The following RSF1 variants were observed in gnomAD, a reference collection of about 807,000 sequenced individuals.
The protein encoded by RSF1 is HBV pX-associated protein 8.
In RSF1, 13 loss-of-function variants were observed where a neutral mutation model predicts 145.2. The observed-to-expected ratio is 0.09, with a 90% CI of 0.06 to 0.14. The LOEUF is 0.14. Among genes scored for constraint, RSF1 ranks in the 10% least tolerant of loss-of-function variants. RSF1 has a pLI of 1.00. For missense variants in RSF1, 1,517 were observed against 1,718.2 expected (o/e 0.88, Z 2.07); for synonymous variants, 577 against 592.6 (o/e 0.97, Z 0.38).
At chr11:77,686,749 T>C (rs1274408059) in intron 9 of RSF1, among the ~76,000 whole-genome samples, 1 of 152,140 alleles carries the variant, frequency 6.6e-6, no homozygotes, top group Non-Finnish European at 1.5e-5. Context: ...ATCAGGTCTG[T>C]AGACAGTTGC....
At chr11:77,824,209 A>G (rs971653983), upstream of RSF1, among the ~76,000 whole-genome samples, 3 of 152,254 alleles carry the variant, frequency 2.0e-5, no homozygotes, top group Non-Finnish European at 2.9e-5. Flanking sequence ...GAAATTGTGG[A>G]ATACAGAGCT....
chr11:77,687,915 A>C (rs1184928602), intron 9 of RSF1, among the ~76,000 whole-genome samples: 1 of 152,258 alleles, frequency 6.6e-6, no homozygotes, highest in Non-Finnish European at 1.5e-5. Flanking sequence ...TTTTACACAT[A>C]TAAATGGTAT....
At chr11:77,790,937 A>G (rs4945212) in intron 1 of RSF1, among the ~76,000 whole-genome samples, 27,000 of 152,088 alleles carry the variant, frequency 0.18, 3,000 homozygotes, top group African/African-American at 0.3. Flanking sequence ...TTCCAGGCAC[A>G]TGGTGCAAGC....
chr11:77,678,830 T>C (rs547972377), intron 11 of RSF1, among the ~76,000 whole-genome samples: 1 of 152,260 alleles, frequency 6.6e-6, no homozygotes, highest in East Asian at 1.9e-4. Flanking sequence ...GAAGGTGCCA[T>C]CTATGAACCA....
intron 2 of RSF1, among the ~76,000 whole-genome samples, chr11:77,754,805 C>T (rs891672605): frequency 6.6e-6 from 1 of 151,494 alleles, no homozygotes; most frequent in Non-Finnish European, 1.5e-5. Context: ...GGTATGGTGG[C>T]TCATGTGTGT....
intron 5 of RSF1, chr11:77,718,263 G>C (rs145084040): frequency 1.3e-5 from 2 of 152,018 alleles, no homozygotes; most frequent in Non-Finnish European, 2.9e-5. Context: ...CCTAGATCGC[G>C]CCATTGTGCT....
intron 5 of RSF1, among the ~76,000 whole-genome samples, chr11:77,713,937 C>T (rs1174175057): frequency 6.6e-6 from 1 of 152,142 alleles, no homozygotes; most frequent in African/African-American, 2.4e-5. Flanking sequence ...TTTGAACTTG[C>T]TCCCTTTTAG....
At chr11:77,709,882 G>C (rs1454831929) in intron 5 of RSF1, among the ~76,000 whole-genome samples, 1 of 151,974 alleles carries the variant, frequency 6.6e-6, no homozygotes, top group Non-Finnish European at 1.5e-5. Context: ...ATCCCAAAGT[G>C]CTGGGATTAC....
upstream of RSF1, among the ~76,000 whole-genome samples, chr11:77,823,621 C>CAAAAAAAA (rs397970373): frequency 8.2e-5 from 8 of 97,652 alleles, no homozygotes; most frequent in Admixed American, 1.2e-4. Context: ...CACCCTGTCT[C>CAAAAAAAA]AAAAAAAAAA....
intron 13 of RSF1, among the ~76,000 whole-genome samples, chr11:77,676,453 T>A (rs1010149277): frequency 2.6e-5 from 4 of 152,202 alleles, no homozygotes; most frequent in Non-Finnish European, 4.4e-5. Context: ...AATATCTTAT[T>A]TATTTTTCAC....
intron 3 of RSF1, among the ~76,000 whole-genome samples, chr11:77,745,581 T>G (rs1947991422): frequency 1.3e-5 from 2 of 151,798 alleles, no homozygotes; most frequent in Admixed American, 1.3e-4. Context: ...CTCTTCCAGG[T>G]TTTAGGTGAA....
intron 5 of RSF1, among the ~76,000 whole-genome samples, chr11:77,713,966 A>C (rs993418872): frequency 6.6e-6 from 1 of 152,178 alleles, no homozygotes; most frequent in Non-Finnish European, 1.5e-5. Flanking sequence ...TTTTATGTAC[A>C]AGTAGATTTC....
At chr11:77,754,023 C>A (rs764500066) in intron 2 of RSF1, among the ~76,000 whole-genome samples, 6 of 152,162 alleles carry the variant, frequency 3.9e-5, no homozygotes, top group Non-Finnish European at 8.8e-5. Flanking sequence ...CTAGAGGAGA[C>A]TAATTTGAAT....
chr11:77,680,391 G>T (rs2135823369), intron 11 of RSF1, among the ~76,000 whole-genome samples: 1 of 152,250 alleles, frequency 6.6e-6, no homozygotes, highest in South Asian at 2.1e-4. Context: ...AGTGAGCTGT[G>T]ATCATGCCAC....
At chr11:77,867,718 T>C in the RSF1 span, among the ~76,000 whole-genome samples, 1 of 152,186 alleles carries the variant, frequency 6.6e-6, no homozygotes, top group Non-Finnish European at 1.5e-5. Context: ...CTAACTCCCA[T>C]ATCCCCTTTG....
the RSF1 span, among the ~76,000 whole-genome samples, chr11:77,849,949 A>G: frequency 6.6e-6 from 1 of 152,218 alleles, no homozygotes; most frequent in African/African-American, 2.4e-5. Context: ...CACTTAGCAC[A>G]GTTCACTTGT....
chr11:77,706,844 A>G (rs1960564353), intron 5 of RSF1, among the ~76,000 whole-genome samples: 2 of 152,018 alleles, frequency 1.3e-5, no homozygotes, highest in South Asian at 4.2e-4. Flanking sequence ...CCACTTTCCT[A>G]ATTTGTAAAA....
At chr11:77,842,493 C>G in the RSF1 span, 1 of 1,613,068 alleles carries the variant, frequency 6.2e-7, no homozygotes, top group Non-Finnish European at 8.5e-7. Context: ...CAGTGAAGTT[C>G]CTTATGACTT....
intron 1 of RSF1, among the ~76,000 whole-genome samples, chr11:77,802,231 C>T (rs1948633035): frequency 6.6e-6 from 1 of 152,032 alleles, no homozygotes. Context: ...GTTATTGAAC[C>T]TAAGAAGGAA....
Sources: allele counts gnomAD v4.1 joint callset (sites outside exome capture counted in the v4.1 genomes callset), GRCh38; gene constraint gnomAD v4.1.1; transcripts MANE v1.5; gene names NCBI Gene and HGNC (gene_info 2026-07-23, HGNC 2026-07-21).